OCM: variants seen among roughly 807,000 people sequenced by gnomAD.
OCM encodes oncomodulin-1.
OCM carries 18 observed loss-of-function variants against 14.1 expected under a neutral mutation model. The ratio of observed to expected loss-of-function variants is 1.28; its 90% CI spans 0.88 to 1.89. The LOEUF is 1.89. Ranked by LOEUF, OCM falls within the 40% of genes most tolerant of loss-of-function variation. OCM has a pLI of 0.00. For synonymous variants in OCM, 48 were observed against 51.0 expected, an observed-to-expected ratio of 0.94 and a Z score of 0.25; for missense variants, 140 against 137.6, an observed-to-expected ratio of 1.02 and a Z score of -0.09.
the OCM span, among the ~76,000 whole-genome samples, chr7:5,864,590 C>G: frequency 6.6e-6 from 1 of 152,028 alleles, no homozygotes; most frequent in African/African-American, 2.4e-5. Flanking sequence ...TCCTGGTTTT[C>G]TAGACGGCAT....
At chr7:5,878,591 C>G (rs914419370), upstream of OCM, among the ~76,000 whole-genome samples, 9 of 151,122 alleles carry the variant, frequency 6.0e-5, no homozygotes, top group African/African-American at 2.2e-4. Flanking sequence ...CTAAAAAATA[C>G]AAAAAATTAG....
chr7:5,868,009 A>C, the OCM span, among the ~76,000 whole-genome samples: 1 of 152,012 alleles, frequency 6.6e-6, no homozygotes, highest in Non-Finnish European at 1.5e-5. Context: ...AAGTTCTGGG[A>C]TTACAGGAGT....
chr7:5,875,232 T>A (rs1274076486), upstream of OCM, among the ~76,000 whole-genome samples: 1 of 151,834 alleles, frequency 6.6e-6, no homozygotes, highest in South Asian at 2.1e-4. Flanking sequence ...TTTTTTTGTA[T>A]TTTTAGTAGA....
chr7:5,862,359 C>T, the OCM span, among the ~76,000 whole-genome samples: 1 of 152,036 alleles, frequency 6.6e-6, no homozygotes, highest in Non-Finnish European at 1.5e-5. Context: ...CAAGACAGAA[C>T]GTTACGTATC....
At chr7:5,885,321 A>G (rs1781309170) in intron 3 of OCM, among the ~76,000 whole-genome samples, 1 of 152,086 alleles carries the variant, frequency 6.6e-6, no homozygotes, top group African/African-American at 2.4e-5. Flanking sequence ...CACCCTATCA[A>G]ATATATCCTA....
chr7:5,882,116 A>AG lies in OCM; in HGVS notation c.62-377_62-376insG, dbSNP rs1562530347. 3.0e-5 allele frequency among the ~76,000 whole-genome samples: 3 copies of AG among 100,950 alleles called. 1 individual carries two copies. The highest frequency in any genetic ancestry group is 7.7e-5 in the African/African-American group (2 of 26,052). The allele number at this position is 100,950 out of a possible 152,430, so 66.2% of individuals were successfully genotyped here. A position where few individuals can be genotyped will look rare whatever the true frequency, so the allele number is the denominator to read the frequency against. ...AAAAAAAAAAAAAAAAAAAAAAAAA[A>AG]AAAGCGCCAAAGGCCATTTAGCCTG... On this transcript the variant is annotated intron_variant, in intron 1 of 3. Coordinates refer to ENST00000242104, the MANE Select transcript of OCM (RefSeq NM_001097622.2).
chr7:5,878,404 C>G (rs928403376), upstream of OCM, among the ~76,000 whole-genome samples: 2 of 151,706 alleles, frequency 1.3e-5, no homozygotes, highest in African/African-American at 4.8e-5. Flanking sequence ...ATCTCTCGTT[C>G]AATAATGCGC....
At chr7:5,882,955 G>C (rs572113890) in intron 2 of OCM, among the ~76,000 whole-genome samples, 2 of 149,998 alleles carry the variant, frequency 1.3e-5, no homozygotes, top group African/African-American at 4.9e-5. Flanking sequence ...TGATTCTCAT[G>C]CCTCAGTCTC....
At chr7:5,860,281 TTTTG>T in the OCM span, among the ~76,000 whole-genome samples, 1 of 151,148 alleles carries the variant, frequency 6.6e-6, no homozygotes, top group East Asian at 2.0e-4. Flanking sequence ...TCCTATACCA[TTTTG>T]TTTCTTTTCT....
chr7:5,872,695 T>G, the OCM span, among the ~76,000 whole-genome samples: 4 of 151,998 alleles, frequency 2.6e-5, no homozygotes, highest in Non-Finnish European at 5.9e-5. Flanking sequence ...TTAAGAGTCA[T>G]CACCACTCCC....
chr7:5,882,210 C>T (rs1431047116), intron 1 of OCM, among the ~76,000 whole-genome samples: 4 of 150,890 alleles, frequency 2.7e-5, no homozygotes. Context: ...GCCACACAGC[C>T]TGTAAAGTGG....
upstream of OCM, among the ~76,000 whole-genome samples, chr7:5,875,782 G>A (rs1935517041): frequency 6.6e-6 from 1 of 151,670 alleles, no homozygotes; most frequent in Admixed American, 6.6e-5. Context: ...AGTTTCTATG[G>A]CAACTTAATG....
the OCM span, among the ~76,000 whole-genome samples, chr7:5,864,424 C>T: frequency 0.03 from 4,579 of 151,898 alleles, 183 homozygotes; most frequent in African/African-American, 0.084. Flanking sequence ...GGGTTTGCTG[C>T]CCTCTGTCTA....
At chr7:5,863,053 T>A in the OCM span, among the ~76,000 whole-genome samples, 90 of 152,366 alleles carry the variant, frequency 5.9e-4, no homozygotes, top group Non-Finnish European at 1.2e-3. Flanking sequence ...TACTCCTTTT[T>A]TCACATATTT....
the OCM span, among the ~76,000 whole-genome samples, chr7:5,860,252 G>C: frequency 1.3e-5 from 2 of 151,452 alleles, no homozygotes; most frequent in East Asian, 3.9e-4. Flanking sequence ...CACATTTCTT[G>C]TTCATGAAAA....
At chr7:5,860,057 AC>A in the OCM span, among the ~76,000 whole-genome samples, 50,120 of 150,080 alleles carry the variant, frequency 0.33, 8,842 homozygotes, top group East Asian at 0.43. Context: ...ATACAAGGAG[AC>A]CCCCCCCACA....
chr7:5,878,434 A>T (rs1781140245), upstream of OCM, among the ~76,000 whole-genome samples: 1 of 151,784 alleles, frequency 6.6e-6, no homozygotes, highest in Non-Finnish European at 1.5e-5. Flanking sequence ...ACACTATTGT[A>T]CTATACATAC....
At position 5,883,932 on chromosome 7, in the gene OCM, C is replaced by T. The variant is rs757651618; in HGVS notation, c.237C>T (p.Thr79=). 16 of 1,612,946 alleles carry T rather than the reference C, an allele frequency of 9.9e-6. No homozygotes were observed. Among genetic ancestry groups the T allele is most frequent in the African/African-American group, 5.3e-5 (4 of 74,814 alleles). ...QKFESGAREL[T]ESETKSLMAA... ...TTGAGAGTGGTGCCAGAGAACTGAC[C>T]GAGTCAGAAACCAAGTCCTTGATGG... Residue 79 remains threonine (T), a synonymous_variant, in exon 3 of 4, where the codon ACC becomes ACT. Transcript: ENST00000242104.
At chr7:5,876,001 G>A (rs1781087564), upstream of OCM, among the ~76,000 whole-genome samples, 1 of 151,578 alleles carries the variant, frequency 6.6e-6, no homozygotes, top group Admixed American at 6.6e-5. Context: ...ATGCCTAGCT[G>A]ATTATTATTA....
Sources: allele counts gnomAD v4.1 joint callset (sites outside exome capture counted in the v4.1 genomes callset), GRCh38; gene constraint gnomAD v4.1.1; transcripts MANE v1.5; gene names NCBI Gene and HGNC (gene_info 2026-07-23, HGNC 2026-07-21).